The following COG1 variants were observed in gnomAD, a reference collection of about 807,000 sequenced individuals.
COG1 encodes the protein conserved oligomeric Golgi complex subunit 1.
Under a neutral mutation model 102.2 loss-of-function variants are expected in COG1, and 61 were observed. That is an observed-to-expected ratio of 0.60 (90% CI 0.49 to 0.74). The LOEUF (loss-of-function observed/expected upper bound fraction) is 0.74. Among genes scored for constraint, COG1 ranks in the 30% least tolerant of loss-of-function variants. The pLI is 0.00. For missense variants in COG1, 1,164 were observed against 1,232.1 expected (o/e 0.94, Z 0.83); for synonymous variants, 454 against 493.6 (o/e 0.92, Z 1.06).
In COG1 at chr17:73,201,776, G is replaced by A. The variant is rs779994821; in HGVS notation, c.1949G>A (p.Arg650Lys). 1.2e-6 allele frequency: 2 copies of A among 1,614,178 alleles called. No homozygotes were observed. Among genetic ancestry groups the A allele is most frequent in the Non-Finnish European group, 1.7e-6 (2 of 1,180,026 alleles). The change falls in exon 7 of 14, where the codon AGA becomes AAA. Residue 650 changes from arginine to lysine, a missense_variant. Coordinates refer to ENST00000299886, the MANE Select transcript of COG1 (RefSeq NM_018714.3). ...EKPAREFRALRKQGKVKTQEI... is the reference protein window; with the variant it reads ...EKPAREFRALKKQGKVKTQEI... ...CCAGCAAGGGAGTTTAGGGCTCTGA[G>A]AAAACAGGGAAAGGTGAAAACTCAG...
At chr17:73,208,095 C>G (rs2061390346) in intron 13 of COG1, 1 of 1,442,276 alleles carries the variant, frequency 6.9e-7, no homozygotes, top group Non-Finnish European at 9.1e-7. Context: ...TTTCCCAAGA[C>G]AGTCCTCATT....
rs1293349576 is a variant in COG1, at chr17:73,203,230, A to C, written c.2220+84A>C. 2.4e-5 allele frequency: 36 copies of C among 1,507,820 alleles called. No homozygotes were observed. In the East Asian group the frequency reaches 8.5e-4, roughly 36 times the overall value. The allele number at this position is 1,507,820 out of a possible 1,614,324, so 93.4% of individuals were successfully genotyped here. ...ATTTTAGAAAATCATTCAACATACA[A>C]CTTCTGAGGAATAGCTGAAAGTAAC... On this transcript the variant is annotated intron_variant, in intron 8 of 13. Coordinates refer to ENST00000299886, the MANE Select transcript of COG1 (RefSeq NM_018714.3).
In COG1 at chr17:73,193,156, G is replaced by C. The variant is rs375609831; in HGVS notation, c.87G>C (p.Glu29Asp). Reference sequence around the variant, plus strand: ...TTTTCGAGACGCATGGAGCGGAGGAGATCCGCGGGCTGGAGCGCCAGGTTC... The same window carrying C: ...TTTTCGAGACGCATGGAGCGGAGGACATCCGCGGGCTGGAGCGCCAGGTTC... ...AALFETHGAE[E>D]IRGLERQVRA... Residue 29 changes from glutamate to aspartate, a missense_variant, in exon 1 of 14, where the codon GAG (glutamate) becomes GAC (aspartate). Physicochemically the swap from Glu to Asp is conservative, Grantham distance 45. Coordinates refer to ENST00000299886, the MANE Select transcript of COG1 (RefSeq NM_018714.3). 119 of 1,609,078 alleles carry C rather than the reference G, an allele frequency of 7.4e-5. 2 individuals carry two copies. The South Asian group carries it at 8.0e-4, about 11-fold the overall frequency.
Position 73,203,423 on chromosome 17 carries a change from C to T in COG1, c.2221-209C>T, listed in dbSNP as rs57301015. On this transcript the variant is annotated intron_variant, in intron 8 of 13. Transcript: ENST00000299886. ...GCAGCATAAAACACAGGCACCTCTTCGAGATCAGCCTCAGACCGTGGAGGC... is the reference window on the plus strand; with the variant it reads ...GCAGCATAAAACACAGGCACCTCTTTGAGATCAGCCTCAGACCGTGGAGGC... The T allele has an allele frequency of 5.0e-3, 3,586 of 714,680 alleles. 20 individuals are homozygous for T. Among genetic ancestry groups the T allele is most frequent in the Admixed American group, 0.013 (509 of 40,370 alleles). 44.3% of individuals were successfully genotyped at this position (714,680 alleles called of 1,614,324 possible).
Position 73,196,912 on chromosome 17 carries a change from G to T in COG1, c.573G>T (p.Leu191=), listed in dbSNP as rs988562156. ...AAASHFRSTI[L]HESKMLLKCQ... ...ATCATTTTTCTAGGTCAACTATTCT[G>T]CATGAAAGCAAGATGTTGCTCAAAT... Residue 191 remains leucine (L), a synonymous_variant, in exon 3 of 14, where the codon CTG becomes CTT. Coordinates refer to ENST00000299886, the MANE Select transcript of COG1 (RefSeq NM_018714.3). The T allele has an allele frequency of 3.1e-6, 5 of 1,614,082 alleles. No individual in the cohort carries two copies. Among genetic ancestry groups the T allele is most frequent in the Non-Finnish European group, 4.2e-6 (5 of 1,180,042 alleles).
rs117208167 is a variant in COG1, at chr17:73,197,386, G to A, written c.903G>A (p.Gln301=). ...CTACTCTGGAGACCATCACAGGCCA[G>A]CATCCTGCCGGTGAGCTCTTAGCCA... ...LFSTLETITG[Q]HPAGKGTGVL... Residue 301 remains glutamine, a synonymous_variant, in exon 4 of 14, where the codon CAG becomes CAA. Coordinates refer to ENST00000299886, the MANE Select transcript of COG1 (RefSeq NM_018714.3). 36 of 1,614,112 alleles carry A rather than the reference G, an allele frequency of 2.2e-5. No individual in the cohort carries two copies. In the East Asian group the frequency reaches 7.1e-4, roughly 32 times the overall value.
rs2061328141 is a variant in COG1 at position 73,197,003 on chromosome 17, T to G, written c.664T>G (p.Ser222Ala). The change falls in exon 3 of 14, where the codon TCT (serine) becomes GCT (alanine). Residue 222 changes from serine (S) to alanine (A), a missense_variant. Coordinates refer to ENST00000299886, the MANE Select transcript of COG1 (RefSeq NM_018714.3). ...CTCTATAATGCTCTTAGAAGAGAGT[T>G]CTCCTCGCCAAGCCCTCACAGACTT... The part of the protein sequence containing the change: ...LCSIMLLEES[S>A]PRQALTDFLL... The G allele has an allele frequency of 6.2e-7, 1 of 1,614,030 alleles. No individual in the cohort carries two copies.
chr17:73,197,178 C>G, intron 3 of COG1, 48 bp from the exon 4 acceptor site: 1 of 1,613,664 alleles, frequency 6.2e-7, no homozygotes, highest in Non-Finnish European at 8.5e-7. Context: ...CTCTGTCTTT[C>G]ACTTTGGGAA....
intron 1 of COG1, among the ~76,000 whole-genome samples, chr17:73,195,147 G>A (rs564903561): frequency 3.3e-5 from 5 of 152,190 alleles, no homozygotes; most frequent in East Asian, 1.9e-4. Flanking sequence ...TTTTAGAAAC[G>A]TATTGATTTT....
chr17:73,208,468 T>A lies in COG1; in HGVS notation c.*17T>A. 2 of 1,613,278 alleles carry A rather than the reference T, an allele frequency of 1.2e-6. No individual in the cohort carries two copies. The highest frequency in any genetic ancestry group is 1.7e-6 in the Non-Finnish European group (2 of 1,179,470). ...ACTAAGTAACATGGCAACACATCTG[T>A]CTCTCCCTAAATAAATACTACCACA... On this transcript the variant is annotated 3_prime_UTR_variant, in exon 14 of 14. Transcript: ENST00000299886.
At chr17:73,200,072 G>A (rs1396540929) in intron 5 of COG1, 51 bp downstream of exon 5, 3 of 1,572,538 alleles carry the variant, frequency 1.9e-6, no homozygotes, top group Non-Finnish European at 8.7e-7. Context: ...CACCCATGCA[G>A]CCTTGTACGG....
At chr17:73,206,035 T>C in intron 10 of COG1, 119 bp from the exon 11 acceptor site, 1 of 861,170 alleles carries the variant, frequency 1.2e-6, no homozygotes, top group Non-Finnish European at 1.9e-6. Flanking sequence ...ACAAACGTAC[T>C]AAGCCAGCAA....
intron 5 of COG1, 112 bp downstream of exon 5, chr17:73,200,133 G>A (rs1272576252): frequency 5.0e-5 from 65 of 1,291,152 alleles, no homozygotes; most frequent in South Asian, 3.2e-4. Context: ...CCTGGATGGC[G>A]TGCTGCCCAT....
chr17:73,206,228 A>G lies in COG1; in HGVS notation c.2585A>G (p.Asn862Ser). Residue 862 changes from asparagine to serine, a missense_variant, in exon 11 of 14, where the codon AAC (asparagine) becomes AGC (serine). Asn to Ser is a conservative substitution (Grantham distance 46). Coordinates refer to ENST00000299886, the MANE Select transcript of COG1 (RefSeq NM_018714.3). ...FDLDVFTPHL[N>S]SNLHRLVQRT... ...CTGGACGTTTTCACGCCACACCTCA[A>G]CAGCAACCTTCATCGCCTGGTGCAG... is the stretch of plus-strand genomic sequence containing the variant. The G allele has an allele frequency of 6.2e-7, 1 of 1,614,126 alleles. No individual in the cohort carries two copies. The highest frequency in any genetic ancestry group is 8.5e-7 in the Non-Finnish European group (1 of 1,179,982).
At position 73,193,143 on chromosome 17, in the gene COG1, A is replaced by C. The variant is rs1020933843; in HGVS notation, c.74A>C (p.His25Pro). ...LRDPAALFET[H>P]GAEEIRGLER... is the part of the protein sequence containing the mutation. ...GACCCTGCGGCTCTTTTCGAGACGC[A>C]TGGAGCGGAGGAGATCCGCGGGCTG... The change falls in exon 1 of 14, where the codon CAT becomes CCT. Residue 25 changes from histidine (H) to proline (P), a missense_variant. His to Pro is a moderately conservative substitution (Grantham distance 77). Transcript: ENST00000299886. 42 of 1,610,172 alleles carry C rather than the reference A, an allele frequency of 2.6e-5. No individual in the cohort carries two copies. Among genetic ancestry groups the C allele is most frequent in the Non-Finnish European group, 3.4e-5 (40 of 1,179,000 alleles).
At chr17:73,194,160 T>TTTTTTTTTTTTTTGAGACGGA (rs1401190625) in intron 1 of COG1, among the ~76,000 whole-genome samples, 66 of 147,244 alleles carry the variant, frequency 4.5e-4, no homozygotes, top group South Asian at 7.2e-4. Flanking sequence ...GAATTTTTAT[T>TTTTTTTTTTTTTTGAGACGGA]GGCCGGGTGC....
chr17:73,197,470 G>A, intron 4 of COG1, 74 bp downstream of exon 4: 1 of 1,518,422 alleles, frequency 6.6e-7, no homozygotes. Flanking sequence ...CCGTGTGCCA[G>A]CCACCATGCT....
intron 8 of COG1, 71 bp from the exon 9 acceptor site, chr17:73,203,561 G>A: frequency 6.3e-7 from 1 of 1,577,308 alleles, no homozygotes; most frequent in Non-Finnish European, 8.7e-7. Context: ...GTAAGATTAA[G>A]TGGATTCACT....
rs767917278 is a variant in COG1, at chr17:73,207,163, T to C, written c.2730-18T>C. Reference sequence around the variant, plus strand: ...GCTGCCTGTTTGTGCTACTAAATTCTTTCCTCTTGTTTTGGAGGTTTGGAC... The same window carrying C: ...GCTGCCTGTTTGTGCTACTAAATTCCTTCCTCTTGTTTTGGAGGTTTGGAC... On this transcript the variant is annotated intron_variant, in intron 12 of 13. Coordinates refer to ENST00000299886, the MANE Select transcript of COG1 (RefSeq NM_018714.3). The C allele has an allele frequency of 4.0e-5, 65 of 1,610,422 alleles. No homozygotes were observed. In the South Asian group the frequency reaches 5.1e-4, roughly 13 times the overall value.
Sources: gnomAD v4.1 joint callset for allele counts (sites outside exome capture counted in the v4.1 genomes callset) on GRCh38, gnomAD v4.1.1 for gene constraint, MANE v1.5 for transcripts, NCBI Gene and HGNC (gene_info 2026-07-23, HGNC 2026-07-21) for gene names.